Variants in RBFOX1 observed in about 807,000 individuals in gnomAD.
RBFOX1 encodes the protein RNA binding protein fox-1 homolog 1.
A neutral mutation model predicts 57.7 loss-of-function variants in RBFOX1; 8 were observed. The observed-to-expected ratio is 0.14, with a 90% CI of 0.08 to 0.25. The LOEUF is 0.25. RBFOX1 is among the 10% of genes least tolerant of loss of function. RBFOX1 has a pLI of 1.00. For synonymous variants in RBFOX1, 326 were observed against 222.4 expected (o/e 1.47, Z -4.15); for missense variants, 611 against 548.5 (o/e 1.11, Z -1.14).
At chr16:6,658,083 A>G (rs1443219051) in intron 3 of RBFOX1, among the ~76,000 whole-genome samples, 1 of 152,220 alleles carries the variant, frequency 6.6e-6, no homozygotes, top group South Asian at 2.1e-4. Context: ...TAGGTTTTCC[A>G]TGGAGTCCTA....
At chr16:6,616,819 A>T (rs7199694) in intron 2 of RBFOX1, among the ~76,000 whole-genome samples, 1 of 152,024 alleles carries the variant, frequency 6.6e-6, no homozygotes, top group Non-Finnish European at 1.5e-5. Flanking sequence ...TGCTGCCATA[A>T]TCTAACATCA....
chr16:7,278,042 C>A (rs2095473867), intron 4 of RBFOX1, among the ~76,000 whole-genome samples: 1 of 151,904 alleles, frequency 6.6e-6, no homozygotes, highest in Non-Finnish European at 1.5e-5. Flanking sequence ...CAGAATAATG[C>A]TAGCATTGCC....
chr16:5,617,310 A>G (rs1012262697), intron 3 of RBFOX1, among the ~76,000 whole-genome samples: 3 of 152,166 alleles, frequency 2.0e-5, no homozygotes, highest in Admixed American at 2.0e-4. Flanking sequence ...CCTTCGGACT[A>G]GCCTGTGAGC....
At chr16:6,713,266 T>TTTTG (rs3042496) in intron 3 of RBFOX1, among the ~76,000 whole-genome samples, 113,986 of 150,938 alleles carry the variant, frequency 0.76, 43,542 homozygotes, top group Middle Eastern at 0.91. Flanking sequence ...ATACCTGGGT[T>TTTTG]TTTGTTTGTT....
At chr16:6,917,997 A>C (rs1031277939) in intron 3 of RBFOX1, among the ~76,000 whole-genome samples, 3 of 152,112 alleles carry the variant, frequency 2.0e-5, no homozygotes, top group Non-Finnish European at 1.5e-5. Flanking sequence ...TTAAAAATGT[A>C]CATTTGTGGC....
chr16:6,921,871 C>G (rs1351789752), intron 3 of RBFOX1, among the ~76,000 whole-genome samples: 1 of 152,006 alleles, frequency 6.6e-6, no homozygotes, highest in Admixed American at 6.6e-5. Flanking sequence ...CAGGTCTACC[C>G]ATAATGAAGA....
intron 3 of RBFOX1, among the ~76,000 whole-genome samples, chr16:7,014,034 A>C (rs750818641): frequency 2.6e-5 from 4 of 152,214 alleles, no homozygotes; most frequent in African/African-American, 4.8e-5. Flanking sequence ...GAACTTGAGG[A>C]TGAAATATGT....
chr16:5,746,005 T>C (rs1009020602), intron 3 of RBFOX1, among the ~76,000 whole-genome samples: 2 of 152,240 alleles, frequency 1.3e-5, no homozygotes, highest in African/African-American at 4.8e-5. Context: ...ACACATGAAG[T>C]CCTTGCCCAT....
chr16:7,474,052 G>A (rs1000062101), intron 4 of RBFOX1, among the ~76,000 whole-genome samples: 2 of 152,140 alleles, frequency 1.3e-5, no homozygotes, highest in Admixed American at 6.5e-5. Context: ...ACTTTGGGAG[G>A]CTGAGGAGGG....
intron 3 of RBFOX1, among the ~76,000 whole-genome samples, chr16:6,911,186 G>C (rs2071488377): frequency 8.6e-6 from 1 of 115,752 alleles, no homozygotes. Flanking sequence ...TGGGCAACAA[G>C]AGTAAAATTG....
At chr16:5,620,363 C>T (rs1472164996) in intron 3 of RBFOX1, among the ~76,000 whole-genome samples, 3 of 152,206 alleles carry the variant, frequency 2.0e-5, no homozygotes, top group Non-Finnish European at 4.4e-5. Flanking sequence ...CTCTATACAG[C>T]ATAGCAAGAT....
At chr16:7,026,422 C>A (rs1326254701) in intron 3 of RBFOX1, among the ~76,000 whole-genome samples, 1 of 152,216 alleles carries the variant, frequency 6.6e-6, no homozygotes, top group Non-Finnish European at 1.5e-5. Flanking sequence ...TTGAGGGCAG[C>A]ACTTACATTT....
At chr16:6,941,863 G>T (rs942320504) in intron 3 of RBFOX1, among the ~76,000 whole-genome samples, 2 of 152,066 alleles carry the variant, frequency 1.3e-5, no homozygotes, top group African/African-American at 4.8e-5. Context: ...CTGGAGTGCA[G>T]TAAGTGCAAT....
intron 10 of RBFOX1, among the ~76,000 whole-genome samples, chr16:7,610,218 C>G (rs1377934932): frequency 2.1e-5 from 3 of 145,552 alleles, no homozygotes; most frequent in Non-Finnish European, 3.0e-5. Context: ...CTCCCGGGTT[C>G]ATGCAATTCT....
chr16:6,045,851 C>G (rs1254218979), intron 1 of RBFOX1, among the ~76,000 whole-genome samples: 2 of 152,144 alleles, frequency 1.3e-5, no homozygotes, highest in Admixed American at 6.5e-5. Flanking sequence ...GACACACACA[C>G]ATACACAAAA....
chr16:7,146,157 T>A (rs2074933881), intron 4 of RBFOX1, among the ~76,000 whole-genome samples: 1 of 152,202 alleles, frequency 6.6e-6, no homozygotes, highest in Non-Finnish European at 1.5e-5. Context: ...CAGTGTCGTT[T>A]ACCCCAGAGC....
At chr16:6,627,397 G>C (rs762974533) in intron 2 of RBFOX1, among the ~76,000 whole-genome samples, 1 of 152,070 alleles carries the variant, frequency 6.6e-6, no homozygotes, top group Non-Finnish European at 1.5e-5. Flanking sequence ...CAGAGAAAGA[G>C]AGATGGAGAG....
chr16:6,804,027 G>A (rs1389107630), intron 3 of RBFOX1, among the ~76,000 whole-genome samples: 1 of 150,294 alleles, frequency 6.7e-6, no homozygotes, highest in Non-Finnish European at 1.5e-5. Context: ...TTTTTTTCGA[G>A]ATGGAGTCTT....
intron 3 of RBFOX1, among the ~76,000 whole-genome samples, chr16:6,840,642 A>G (rs941772805): frequency 6.6e-6 from 1 of 152,086 alleles, no homozygotes; most frequent in Non-Finnish European, 1.5e-5. Context: ...TAACCCCAGC[A>G]CTTTGGGAGG....
Sources: gnomAD v4.1 joint callset for allele counts (sites outside exome capture counted in the v4.1 genomes callset) on GRCh38, gnomAD v4.1.1 for gene constraint, MANE v1.5 for transcripts, NCBI Gene and HGNC (gene_info 2026-07-23, HGNC 2026-07-21) for gene names.